IGSF3: variants seen among roughly 807,000 people sequenced by gnomAD.
IGSF3 encodes the protein glu-Trp-Ile EWI motif-containing protein 3.
A neutral mutation model predicts 114.4 loss-of-function variants in IGSF3; 23 were observed. The observed-to-expected ratio is 0.20, with a 90% CI of 0.14 to 0.28. IGSF3 has a LOEUF of 0.28. Among genes scored for constraint, IGSF3 ranks in the 10% least tolerant of loss-of-function variants. IGSF3 has a pLI of 1.00. For missense variants in IGSF3, 1,172 were observed against 1,591.5 expected, an observed-to-expected ratio of 0.74 and a Z score of 4.48; for synonymous variants, 571 against 645.2, an observed-to-expected ratio of 0.88 and a Z score of 1.74.
At position 116,600,167 on chromosome 1, in the gene IGSF3, G is replaced by A. The variant is rs143445522; in HGVS notation, c.1803C>T (p.Asp601=). The A allele has an allele frequency of 1.4e-3, 2,217 of 1,613,786 alleles. 4 individuals carry two copies. Among genetic ancestry groups the A allele is most frequent in the African/African-American group, 0.011 (845 of 75,032 alleles). The change falls in exon 7 of 11, where the codon GAC becomes GAT. Residue 601 remains aspartate, a synonymous_variant. Coordinates refer to ENST00000369486, the MANE Select transcript of IGSF3 (RefSeq NM_001007237.3). The surrounding 1 kb of genome is among the most constrained non-coding windows in gnomAD (Gnocchi z 5.5). ...ACCTGTCCCCCCACTGGACCCCTCCGTCCCGGGTGAAGGTCACCAAGTCAT... is the reference window on the plus strand; with the variant it reads ...ACCTGTCCCCCCACTGGACCCCTCCATCCCGGGTGAAGGTCACCAAGTCAT... ...EFHDLVTFTR[D]GGVQWGDRSS...
intron 2 of IGSF3, among the ~76,000 whole-genome samples, chr1:116,619,649 G>T (rs1661348515): frequency 6.6e-6 from 1 of 151,982 alleles, no homozygotes; most frequent in South Asian, 2.1e-4. Flanking sequence ...ACCCTGCTGT[G>T]CAGACCTCTG....
chr1:116,617,521 C>T (rs1029865516), intron 2 of IGSF3, among the ~76,000 whole-genome samples: 2 of 152,212 alleles, frequency 1.3e-5, no homozygotes, highest in African/African-American at 2.4e-5. Context: ...AGACCTTGAT[C>T]TTCTCATCTA....
Position 116,578,992 on chromosome 1 carries a change from G to A in IGSF3, c.3334+400C>T, listed in dbSNP as rs1293434851. Among the ~76,000 whole-genome samples the A allele has an allele frequency of 2.6e-5, 4 of 152,150 alleles. No individual in the cohort carries two copies. In the East Asian group the frequency reaches 7.7e-4, roughly 29 times the overall value. Reference sequence around the variant, plus strand: ...GGACAAAAAGAAATAATGACAGTGAGGTAGTCAGCCTTCATTTTTTTCCCT... The same window carrying A: ...GGACAAAAAGAAATAATGACAGTGAAGTAGTCAGCCTTCATTTTTTTCCCT... On this transcript the variant is annotated intron_variant, in intron 10 of 10. Transcript: ENST00000369486.
rs1161435373 is a variant in IGSF3 at position 116,627,491 on chromosome 1, C to T, written c.44-11034G>A. 6.6e-6 allele frequency among the ~76,000 whole-genome samples: 1 copy of T among 152,210 alleles called. No individual in the cohort carries two copies. Among genetic ancestry groups the T allele is most frequent in the Non-Finnish European group, 1.5e-5 (1 of 68,034 alleles). On this transcript the variant is annotated intron_variant, in intron 2 of 10. Transcript: ENST00000369486. This position sits in a 1 kb window ranked among gnomAD's most constrained non-coding sequence, Gnocchi z 4.7. ...ACAGCTCCTGCCACACTCAGCACTGCCTGCACCTCCTCCTGGAGCTGGCAG... is the reference window on the plus strand; with the variant it reads ...ACAGCTCCTGCCACACTCAGCACTGTCTGCACCTCCTCCTGGAGCTGGCAG...
intron 2 of IGSF3, among the ~76,000 whole-genome samples, chr1:116,660,653 G>T (rs1274990862): frequency 1.3e-5 from 2 of 151,684 alleles, no homozygotes; most frequent in Non-Finnish European, 2.9e-5. Context: ...AATTGGCCAG[G>T]CTGGTCTCAA....
At position 116,654,576 on chromosome 1, in the gene IGSF3, A is replaced by G. The variant is rs1183212660; in HGVS notation, c.43+11708T>C. The stretch of plus-strand genomic sequence containing the variant: ...GCCAGGGCGCCCTCAGGGAGGCCAC[A>G]CTGCAGGAGGCAAAGTATGAGGTGG... On this transcript the variant is annotated intron_variant, in intron 2 of 10. Coordinates refer to ENST00000369486, the MANE Select transcript of IGSF3 (RefSeq NM_001007237.3). This position sits in a 1 kb window ranked among gnomAD's most constrained non-coding sequence, Gnocchi z 4.4. 6.6e-6 allele frequency among the ~76,000 whole-genome samples: 1 copy of G among 152,108 alleles called. No individual in the cohort carries two copies. The highest frequency in any genetic ancestry group is 2.4e-5 in the African/African-American group (1 of 41,422).
Position 116,666,531 on chromosome 1 carries a change from C to T in IGSF3, c.-205G>A. On this transcript the variant is annotated 5_prime_UTR_variant, in exon 2 of 11. Coordinates refer to ENST00000369486, the MANE Select transcript of IGSF3 (RefSeq NM_001007237.3). ...GAGTGGAGGCAAGTGTGAAAACTCC[C>T]CTATGCTACAGGAAGGGTCCACAAC... The T allele has an allele frequency of 1.6e-6, 1 of 618,802 alleles. No homozygotes were observed. The highest frequency in any genetic ancestry group is 1.8e-5 in the African/African-American group (1 of 54,322). 38.3% of individuals were successfully genotyped at this position (618,802 alleles called of 1,614,324 possible).
Position 116,585,015 on chromosome 1 carries a change from C to T in IGSF3, c.2478G>A (p.Leu826=). ...RLRLSQAQGN[L]SVLETRQVQL... is the part of the protein sequence containing the mutation. ...GTACCTGCCGGGTCTCCAGAACCGA[C>T]AGGTTCCCCTGGGCTTGGCTGAGCC... is the stretch of plus-strand genomic sequence containing the variant. Residue 826 remains leucine, a synonymous_variant, in exon 9 of 11, where the codon CTG becomes CTA. Transcript: ENST00000369486. This position sits in a 1 kb window ranked among gnomAD's most constrained non-coding sequence, Gnocchi z 4.9. 2 of 1,563,608 alleles carry T rather than the reference C, an allele frequency of 1.3e-6. No homozygotes were observed. Among genetic ancestry groups the T allele is most frequent in the South Asian group, 1.2e-5 (1 of 83,564 alleles).
chr1:116,666,611 G>C lies in IGSF3; in HGVS notation c.-285C>G. On this transcript the variant is annotated 5_prime_UTR_variant, in exon 2 of 11. Transcript: ENST00000369486. The stretch of plus-strand genomic sequence containing the variant: ...CATCGTGTGCCTTGCAGTTTCCACT[G>C]AAATTGCAGACTGTAGTGGATTAAT... 1.7e-6 allele frequency: 1 copy of C among 594,496 alleles called. No homozygotes were observed. Among genetic ancestry groups the C allele is most frequent in the Non-Finnish European group, 3.0e-6 (1 of 335,206 alleles). The allele number at this position is 594,496 out of a possible 1,614,324, so 36.8% of individuals were successfully genotyped here.
intron 2 of IGSF3, among the ~76,000 whole-genome samples, chr1:116,646,154 A>C (rs1648360343): frequency 6.6e-6 from 1 of 152,216 alleles, no homozygotes; most frequent in African/African-American, 2.4e-5. Context: ...GTGGGGCCGG[A>C]GACAGAAAAA....
intron 2 of IGSF3, among the ~76,000 whole-genome samples, chr1:116,653,192 T>A (rs533017685): frequency 6.6e-6 from 1 of 152,222 alleles, no homozygotes; most frequent in South Asian, 2.1e-4. Flanking sequence ...ATGACTTCAG[T>A]CATCCCCGTT....
chr1:116,634,918 C>A lies in IGSF3; in HGVS notation c.44-18461G>T, dbSNP rs1277972686. ...CTATAAGGAAGCCCAAGCTACCCCA[C>A]AGGAGAGACAAGGTGAAGAGAATGA... On this transcript the variant is annotated intron_variant, in intron 2 of 10. Coordinates refer to ENST00000369486, the MANE Select transcript of IGSF3 (RefSeq NM_001007237.3). This position sits in a 1 kb window ranked among gnomAD's most constrained non-coding sequence, Gnocchi z 4.2. Among the ~76,000 whole-genome samples, 3 of 152,168 alleles carry A rather than the reference C, an allele frequency of 2.0e-5. No individual in the cohort carries two copies. The highest frequency in any genetic ancestry group is 4.4e-5 in the Non-Finnish European group (3 of 68,024).
At chr1:116,667,254 G>C (rs1189652730) in intron 1 of IGSF3, among the ~76,000 whole-genome samples, 1 of 152,146 alleles carries the variant, frequency 6.6e-6, no homozygotes, top group Non-Finnish European at 1.5e-5. Flanking sequence ...CCTCCGCCAG[G>C]GCAAATCGGG....
Position 116,592,591 on chromosome 1 carries a change from A to G in IGSF3, c.2030-3487T>C, listed in dbSNP as rs1030279948. ...GGTGAGACATCAGGAAGAGGGAAGAACTTCGCAGCGGAGACCAGCAGCAGC... is the reference window on the plus strand; with the variant it reads ...GGTGAGACATCAGGAAGAGGGAAGAGCTTCGCAGCGGAGACCAGCAGCAGC... On this transcript the variant is annotated intron_variant, in intron 7 of 10. Coordinates refer to ENST00000369486, the MANE Select transcript of IGSF3 (RefSeq NM_001007237.3). This position sits in a 1 kb window ranked among gnomAD's most constrained non-coding sequence, Gnocchi z 4.5. Among the ~76,000 whole-genome samples, 13 of 152,104 alleles carry G rather than the reference A, an allele frequency of 8.5e-5. No individual in the cohort carries two copies. The highest frequency in any genetic ancestry group is 8.5e-4 in the Admixed American group (13 of 15,270).
At chr1:116,645,728 G>C (rs1481985590) in intron 2 of IGSF3, among the ~76,000 whole-genome samples, 1 of 152,214 alleles carries the variant, frequency 6.6e-6, no homozygotes, top group East Asian at 1.9e-4. Flanking sequence ...CAACACATAG[G>C]CCTTCCCCAA....
In IGSF3 at chr1:116,650,447, G is replaced by T. The variant is rs1479301441; in HGVS notation, c.43+15837C>A. 1.3e-5 allele frequency among the ~76,000 whole-genome samples: 2 copies of T among 152,158 alleles called. No individual in the cohort carries two copies. The highest frequency in any genetic ancestry group is 6.5e-5 in the Admixed American group (1 of 15,280). ...CTCCCAGCAGACTTCTCATACCTCA[G>T]TGGCCAAAACCATGTCACACGCCCA... On this transcript the variant is annotated intron_variant, in intron 2 of 10. Transcript: ENST00000369486. This position sits in a 1 kb window ranked among gnomAD's most constrained non-coding sequence, Gnocchi z 5.0.
In IGSF3 at chr1:116,584,968, T is replaced by C. The variant is rs372272574; in HGVS notation, c.2525A>G (p.Asn842Ser). Residue 842 changes from asparagine to serine, a missense_variant, in exon 9 of 11, where the codon AAC becomes AGC. Physicochemically the swap from Asn to Ser is conservative, Grantham distance 46 (BLOSUM62 1). Around this residue, in one of 3 missense-constraint regions of IGSF3, gnomAD observed 423 missense variants for 509.8 expected, o/e 0.83. Transcript: ENST00000369486. This position sits in a 1 kb window ranked among gnomAD's most constrained non-coding sequence, Gnocchi z 5.8. The stretch of plus-strand genomic sequence containing the variant: ...GAGCTGGGAGGTTATGCTGGTGCGG[T>C]TGAGAACCACACACTCCAGCTGTAC... ...RQVQLECVVL[N>S]RTSITSQLMV... 7.5e-6 allele frequency: 12 copies of C among 1,608,074 alleles called. No homozygotes were observed. Among genetic ancestry groups the C allele is most frequent in the Admixed American group, 1.7e-5 (1 of 59,850 alleles).
intron 2 of IGSF3, among the ~76,000 whole-genome samples, chr1:116,663,432 T>C (rs116362807): frequency 0.035 from 5,276 of 151,572 alleles, 305 homozygotes; most frequent in African/African-American, 0.12. Context: ...GAGACTTTAC[T>C]ACCCTCATGG....
intron 2 of IGSF3, among the ~76,000 whole-genome samples, chr1:116,653,787 C>T (rs1648735261): frequency 6.6e-6 from 1 of 152,184 alleles, no homozygotes. Flanking sequence ...TTGTTGCTCC[C>T]TTCTAGAAGT....
Sources: allele counts gnomAD v4.1 joint callset (sites outside exome capture counted in the v4.1 genomes callset), GRCh38; gene constraint gnomAD v4.1.1; regional missense constraint gnomAD v4.1.1; non-coding constraint Gnocchi (gnomAD v3.1); transcripts MANE v1.5; gene names NCBI Gene and HGNC (gene_info 2026-07-23, HGNC 2026-07-21).